The following NBAS variants were observed in gnomAD, a reference collection of about 807,000 sequenced individuals.
NBAS encodes the protein NBAS subunit of NRZ tethering complex.
NBAS carries 219 observed loss-of-function variants against 302.5 expected under a neutral mutation model. That is an observed-to-expected ratio of 0.72 (90% CI 0.65 to 0.81). The LOEUF is 0.81. Among genes scored for constraint, NBAS ranks in the 30% least tolerant of loss-of-function variants. NBAS has a pLI of 0.00. For synonymous variants in NBAS, 1,118 were observed against 1,021.6 expected (o/e 1.09, Z -1.80); for missense variants, 2,932 against 2,841.6 (o/e 1.03, Z -0.72).
chr2:15,451,001 T>C (rs1259590495), intron 21 of NBAS, among the ~76,000 whole-genome samples: 1 of 152,100 alleles, frequency 6.6e-6, no homozygotes, highest in African/African-American at 2.4e-5. Context: ...TCTGGGACTG[T>C]TTGGGAGAAA....
At chr2:15,132,613 A>G in the NBAS span, among the ~76,000 whole-genome samples, 5 of 152,332 alleles carry the variant, frequency 3.3e-5, no homozygotes, top group East Asian at 9.6e-4. Flanking sequence ...TAGGTTCTCA[A>G]TTGTAACAAA....
the NBAS span, among the ~76,000 whole-genome samples, chr2:14,796,281 T>C: frequency 6.6e-6 from 1 of 152,128 alleles, no homozygotes; most frequent in African/African-American, 2.4e-5. Flanking sequence ...GGGAAGGTTC[T>C]ACAACTTCAT....
intron 35 of NBAS, among the ~76,000 whole-genome samples, chr2:15,342,224 G>A (rs1672888203): frequency 6.6e-6 from 1 of 152,126 alleles, no homozygotes; most frequent in African/African-American, 2.4e-5. Flanking sequence ...GTCTAAAATA[G>A]AGAAAAGTTG....
chr2:15,019,158 T>G, the NBAS span, among the ~76,000 whole-genome samples: 1 of 152,204 alleles, frequency 6.6e-6, no homozygotes, highest in Admixed American at 6.5e-5. Flanking sequence ...TGCATAATAA[T>G]AAGTAGTTCA....
chr2:15,009,852 A>C, the NBAS span, among the ~76,000 whole-genome samples: 1 of 151,992 alleles, frequency 6.6e-6, no homozygotes, highest in Non-Finnish European at 1.5e-5. Context: ...CACATGCAGG[A>C]GTTTGCAACA....
At chr2:15,446,489 C>A (rs1472776790) in intron 21 of NBAS, among the ~76,000 whole-genome samples, 1 of 152,074 alleles carries the variant, frequency 6.6e-6, no homozygotes, top group East Asian at 1.9e-4. Flanking sequence ...GATTTCTCCC[C>A]ATCCATAAAA....
chr2:15,520,161 G>C (rs1235652107), intron 9 of NBAS, among the ~76,000 whole-genome samples: 1 of 152,112 alleles, frequency 6.6e-6, no homozygotes, highest in Non-Finnish European at 1.5e-5. Context: ...CAGCACTTTG[G>C]GAGGCCCAGG....
the NBAS span, among the ~76,000 whole-genome samples, chr2:14,916,607 T>C: frequency 3.9e-5 from 6 of 152,208 alleles, no homozygotes; most frequent in African/African-American, 1.4e-4. Context: ...TGATAGTATA[T>C]ACAAAAGCTG....
intron 48 of NBAS, among the ~76,000 whole-genome samples, chr2:15,199,715 T>G (rs1665787978): frequency 6.6e-6 from 1 of 152,136 alleles, no homozygotes; most frequent in Non-Finnish European, 1.5e-5. Context: ...TTTTTAAGAC[T>G]TGATTTTTTC....
At chr2:14,888,292 G>A in the NBAS span, among the ~76,000 whole-genome samples, 5,793 of 152,032 alleles carry the variant, frequency 0.038, 139 homozygotes, top group Non-Finnish European at 0.051. Flanking sequence ...CACCACACCC[G>A]GCTAATTTTT....
At chr2:15,452,564 G>A (rs937678055) in intron 21 of NBAS, among the ~76,000 whole-genome samples, 23 of 150,762 alleles carry the variant, frequency 1.5e-4, no homozygotes, top group African/African-American at 5.6e-4. Context: ...CTCCAGCCTG[G>A]GCAACACAGA....
At chr2:15,482,208 A>G (rs763484589) in intron 12 of NBAS, among the ~76,000 whole-genome samples, 1 of 152,134 alleles carries the variant, frequency 6.6e-6, no homozygotes, top group Non-Finnish European at 1.5e-5. Flanking sequence ...ACGGCTCACT[A>G]CAACCTCGAC....
the NBAS span, among the ~76,000 whole-genome samples, chr2:15,001,309 T>TAC: frequency 6.6e-6 from 1 of 152,194 alleles, no homozygotes; most frequent in African/African-American, 2.4e-5. Context: ...ATATATGTTA[T>TAC]ACACACACAC....
chr2:15,157,434 C>T, the NBAS span, among the ~76,000 whole-genome samples: 1 of 152,262 alleles, frequency 6.6e-6, no homozygotes, highest in East Asian at 1.9e-4. Flanking sequence ...GTCATGGCAC[C>T]GCTTAGCTGG....
chr2:14,800,529 T>C, the NBAS span, among the ~76,000 whole-genome samples: 2 of 152,246 alleles, frequency 1.3e-5, no homozygotes, highest in Non-Finnish European at 2.9e-5. Flanking sequence ...ATGCATGTTA[T>C]ACTTTTTACT....
the NBAS span, among the ~76,000 whole-genome samples, chr2:14,911,348 G>A: frequency 6.6e-6 from 1 of 152,160 alleles, no homozygotes; most frequent in African/African-American, 2.4e-5. Context: ...TCTCCCCTAT[G>A]AGACTGGAGA....
At chr2:15,499,344 G>C (rs1403788091) in intron 11 of NBAS, among the ~76,000 whole-genome samples, 2 of 152,156 alleles carry the variant, frequency 1.3e-5, no homozygotes, top group African/African-American at 2.4e-5. Flanking sequence ...CAATAGCAAA[G>C]ACATGGAATA....
At position 15,326,140 on chromosome 2, in the gene NBAS, C is replaced by T. The variant is rs191033955; in HGVS notation, c.4582+1610G>A. ...TCAAAGATCACTAATCACAAATCAC[C>T]GTAACAGATACAATAATAACGAAAA... On this transcript the variant is annotated intron_variant, in intron 38 of 51. Coordinates refer to ENST00000281513, the MANE Select transcript of NBAS (RefSeq NM_015909.4). 1.1e-4 allele frequency among the ~76,000 whole-genome samples: 16 copies of T among 152,204 alleles called. No individual in the cohort carries two copies. In the East Asian group the frequency reaches 1.9e-3, roughly 18 times the overall value.
chr2:15,541,771 C>A (rs1487042079), intron 6 of NBAS, among the ~76,000 whole-genome samples: 1 of 143,706 alleles, frequency 7.0e-6, no homozygotes, highest in Non-Finnish European at 1.5e-5. Context: ...GTCAGCCCCC[C>A]GCCCAGCCAG....
Sources: gnomAD v4.1 joint callset for allele counts (sites outside exome capture counted in the v4.1 genomes callset) on GRCh38, gnomAD v4.1.1 for gene constraint, MANE v1.5 for transcripts, NCBI Gene and HGNC (gene_info 2026-07-23, HGNC 2026-07-21) for gene names.